The following NMNAT2 variants were observed in gnomAD, a reference collection of about 807,000 sequenced individuals.
NMNAT2 encodes the protein nicotinamide nucleotide adenylyltransferase 2.
In NMNAT2, 11 loss-of-function variants were observed where a neutral mutation model predicts 41.6. The ratio of observed to expected loss-of-function variants is 0.26; its 90% CI spans 0.17 to 0.44. NMNAT2 has a LOEUF of 0.44. Among genes scored for constraint, NMNAT2 ranks in the 20% least tolerant of loss-of-function variants. The pLI is 1.00. For synonymous variants in NMNAT2, 148 were observed against 151.2 expected (o/e 0.98, Z 0.16); for missense variants, 288 against 407.7 (o/e 0.71, Z 2.53).
Position 183,278,646 on chromosome 1 carries a change from A to C in NMNAT2, c.575-17T>G. On this transcript the variant is annotated splice_polypyrimidine_tract_variant and intron_variant, in intron 7 of 10. Transcript: ENST00000287713. ...TCCGTAGCTCTGAGGAAGGGGAGCA[A>C]AGTTTGCAAAGGGAGTAAGTGGTGG... 1 of 1,594,598 alleles carries C rather than the reference A, an allele frequency of 6.3e-7. No individual in the cohort carries two copies. Among genetic ancestry groups the C allele is most frequent in the Non-Finnish European group, 8.6e-7 (1 of 1,162,530 alleles).
At chr1:183,368,788 T>A (rs1262784359) in intron 1 of NMNAT2, among the ~76,000 whole-genome samples, 1 of 152,208 alleles carries the variant, frequency 6.6e-6, no homozygotes, top group Non-Finnish European at 1.5e-5. Context: ...TTGGATGTAT[T>A]CCCCAGTAGA....
chr1:183,324,956 G>A (rs776287619), intron 1 of NMNAT2, among the ~76,000 whole-genome samples: 8 of 152,136 alleles, frequency 5.3e-5, no homozygotes, highest in Non-Finnish European at 7.4e-5. Flanking sequence ...GGACTCCAAG[G>A]CCCTACCCAG....
chr1:183,301,797 T>C (rs1023312463), intron 1 of NMNAT2, among the ~76,000 whole-genome samples: 2 of 152,262 alleles, frequency 1.3e-5, no homozygotes, highest in Non-Finnish European at 2.9e-5. Context: ...TCCTGGCTAC[T>C]CAGTGAACCT....
chr1:183,287,418 C>T (rs1171140908), intron 4 of NMNAT2, among the ~76,000 whole-genome samples: 1 of 152,092 alleles, frequency 6.6e-6, no homozygotes, highest in East Asian at 1.9e-4. Context: ...GTTTGTGCTG[C>T]GGGAAGCAGG....
At chr1:183,295,714 T>A (rs10797867) in intron 1 of NMNAT2, among the ~76,000 whole-genome samples, 83,760 of 152,064 alleles carry the variant, frequency 0.55, 24,396 homozygotes, top group Non-Finnish European at 0.64. Context: ...TCTGTTTACT[T>A]TTTCTATAGA....
intron 1 of NMNAT2, among the ~76,000 whole-genome samples, chr1:183,351,415 T>C (rs1663044904): frequency 6.6e-6 from 1 of 150,774 alleles, no homozygotes; most frequent in Non-Finnish European, 1.5e-5. Context: ...CTGAGTGAGC[T>C]CCAGGGGTGC....
At chr1:183,291,973 G>T (rs1459496218) in intron 3 of NMNAT2, among the ~76,000 whole-genome samples, 1 of 151,894 alleles carries the variant, frequency 6.6e-6, no homozygotes, top group Non-Finnish European at 1.5e-5. Context: ...TCTCATTCCC[G>T]CCCACCCCGC....
intron 1 of NMNAT2, among the ~76,000 whole-genome samples, chr1:183,370,223 TACACACACACACACACAC>T (rs57569629): frequency 2.9e-4 from 33 of 112,816 alleles, no homozygotes; most frequent in African/African-American, 6.6e-4. Flanking sequence ...TATCAACACA[TACACACACACACACACAC>T]ACACACACAC....
intron 1 of NMNAT2, among the ~76,000 whole-genome samples, chr1:183,366,327 C>T (rs964348783): frequency 6.6e-6 from 1 of 152,212 alleles, no homozygotes; most frequent in Non-Finnish European, 1.5e-5. Flanking sequence ...ATAGTATCTA[C>T]TTCATAGGGT....
intron 1 of NMNAT2, among the ~76,000 whole-genome samples, chr1:183,332,014 C>T (rs952951736): frequency 1.3e-5 from 2 of 152,172 alleles, no homozygotes; most frequent in Admixed American, 1.3e-4. Flanking sequence ...AACTCCTGAC[C>T]TCACGTGATC....
At chr1:183,371,171 T>C (rs1030005565) in intron 1 of NMNAT2, among the ~76,000 whole-genome samples, 1 of 152,132 alleles carries the variant, frequency 6.6e-6, no homozygotes, top group African/African-American at 2.4e-5. Flanking sequence ...CTGATAAAAC[T>C]CTTCATCCCA....
Position 183,381,748 on chromosome 1 carries a change from C to G in NMNAT2, c.85+36435G>C, listed in dbSNP as rs566191916. Among the ~76,000 whole-genome samples the G allele has an allele frequency of 4.6e-5, 7 of 152,086 alleles. No homozygotes were observed. The South Asian group carries it at 1.5e-3, about 32-fold the overall frequency. ...AAATGAGTAAAATGATAACTAATAC[C>G]TAAAATAACAGTTACTCTGTGAGGC... On this transcript the variant is annotated intron_variant, in intron 1 of 10. Transcript: ENST00000287713.
chr1:183,399,382 T>C (rs1461586879), intron 1 of NMNAT2, among the ~76,000 whole-genome samples: 3 of 152,160 alleles, frequency 2.0e-5, no homozygotes, highest in African/African-American at 7.2e-5. Context: ...AATCCTTGAA[T>C]AGACCAATAA....
At chr1:183,407,146 C>G (rs1648979287) in intron 1 of NMNAT2, among the ~76,000 whole-genome samples, 1 of 152,140 alleles carries the variant, frequency 6.6e-6, no homozygotes, top group East Asian at 1.9e-4. Flanking sequence ...CCACTTTTGC[C>G]TCACTGAAAA....
chr1:183,292,006 A>G (rs1024287743), intron 3 of NMNAT2, among the ~76,000 whole-genome samples: 1 of 152,200 alleles, frequency 6.6e-6, no homozygotes. Flanking sequence ...AACTCTCTGC[A>G]TTCCTCATTC....
chr1:183,409,725 CAATT>C (rs777487013), intron 1 of NMNAT2, among the ~76,000 whole-genome samples: 2 of 152,158 alleles, frequency 1.3e-5, no homozygotes, highest in Admixed American at 6.5e-5. Context: ...ACTTTTCAGA[CAATT>C]AAGCCTGTGG....
chr1:183,358,465 C>T (rs561753108), intron 1 of NMNAT2, among the ~76,000 whole-genome samples: 4 of 152,104 alleles, frequency 2.6e-5, no homozygotes, highest in South Asian at 2.1e-4. Context: ...GGGGAATCCT[C>T]ACAAAGAACA....
intron 1 of NMNAT2, among the ~76,000 whole-genome samples, chr1:183,392,643 C>A (rs1003115930): frequency 6.6e-6 from 1 of 152,248 alleles, no homozygotes; most frequent in Non-Finnish European, 1.5e-5. Context: ...CACCCCCTCT[C>A]TCTTCCTCCG....
At chr1:183,340,705 T>C (rs1398953463) in intron 1 of NMNAT2, among the ~76,000 whole-genome samples, 1 of 152,200 alleles carries the variant, frequency 6.6e-6, no homozygotes, top group Non-Finnish European at 1.5e-5. Context: ...CATATCTGCC[T>C]GGGTGCTGAG....
Sources: allele counts gnomAD v4.1 joint callset (sites outside exome capture counted in the v4.1 genomes callset), GRCh38; gene constraint gnomAD v4.1.1; transcripts MANE v1.5; gene names NCBI Gene and HGNC (gene_info 2026-07-23, HGNC 2026-07-21).